KCNAB1: variants seen among roughly 807,000 people sequenced by gnomAD.
The protein encoded by KCNAB1 is voltage-gated potassium channel subunit beta-1.
KCNAB1 carries 35 observed loss-of-function variants against 64.6 expected under a neutral mutation model. That is an observed-to-expected ratio of 0.54 (90% CI 0.41 to 0.72). KCNAB1 has a LOEUF of 0.72. Among genes scored for constraint, KCNAB1 ranks in the 30% least tolerant of loss-of-function variants. The probability of loss-of-function intolerance (pLI) is 0.00; values close to 1 mark genes in which losing one functional copy is unlikely to be tolerated. For missense variants in KCNAB1, 401 were observed against 512.9 expected (o/e 0.78, Z 2.11); for synonymous variants, 177 against 183.8 (o/e 0.96, Z 0.30).
intron 12 of KCNAB1, among the ~76,000 whole-genome samples, chr3:156,531,016 G>A (rs376094015): frequency 7.9e-5 from 12 of 152,268 alleles, no homozygotes; most frequent in African/African-American, 2.4e-4. Flanking sequence ...CTTAAGCCCC[G>A]AGCCAACCCA....
At chr3:156,230,510 CAT>C (rs1459975174) in intron 1 of KCNAB1, among the ~76,000 whole-genome samples, 1 of 152,068 alleles carries the variant, frequency 6.6e-6, no homozygotes. Flanking sequence ...TGCTAAGCAA[CAT>C]ATGGCTGCAT....
chr3:156,433,170 C>T (rs1716350033), intron 2 of KCNAB1, among the ~76,000 whole-genome samples: 1 of 152,198 alleles, frequency 6.6e-6, no homozygotes. Flanking sequence ...CTCACAGAGC[C>T]TATCTAGGGA....
At chr3:156,441,974 CTTCT>C (rs1466788178) in intron 2 of KCNAB1, among the ~76,000 whole-genome samples, 117 of 152,178 alleles carry the variant, frequency 7.7e-4, no homozygotes, top group African/African-American at 2.7e-3. Flanking sequence ...ATAAATTTTG[CTTCT>C]GATTATAAAA....
At chr3:156,395,152 A>G (rs1713331205) in intron 1 of KCNAB1, among the ~76,000 whole-genome samples, 1 of 152,212 alleles carries the variant, frequency 6.6e-6, no homozygotes, top group South Asian at 2.1e-4. Context: ...CTCACCATAC[A>G]TAGTACAATT....
At chr3:156,360,718 CCTCT>C (rs1407062564) in intron 1 of KCNAB1, among the ~76,000 whole-genome samples, 1 of 151,048 alleles carries the variant, frequency 6.6e-6, no homozygotes, top group African/African-American at 2.4e-5. Context: ...TGTTTCTCTC[CCTCT>C]ATTTAAAAAA....
intron 1 of KCNAB1, among the ~76,000 whole-genome samples, chr3:156,168,737 G>T (rs990403747): frequency 1.3e-5 from 2 of 152,196 alleles, no homozygotes; most frequent in African/African-American, 4.8e-5. Context: ...AGAAAACAGC[G>T]AGATGTTTTC....
At position 156,508,478 on chromosome 3, in the gene KCNAB1, A is replaced by G. The variant is rs989496599; in HGVS notation, c.659-5886A>G. ...AGAAAATTAAAATATTGATCAACCA[A>G]AATTGTTTTCACTCAGAACAAATAG... On this transcript the variant is annotated intron_variant, in intron 8 of 13. Coordinates refer to ENST00000490337, the MANE Select transcript of KCNAB1 (RefSeq NM_172160.3). This position sits in a 1 kb window ranked among gnomAD's most constrained non-coding sequence, Gnocchi z 4.1. Among the ~76,000 whole-genome samples the G allele has an allele frequency of 2.6e-5, 4 of 152,212 alleles. No homozygotes were observed. Among genetic ancestry groups the G allele is most frequent in the Admixed American group, 2.6e-4 (4 of 15,276 alleles).
intron 1 of KCNAB1, among the ~76,000 whole-genome samples, chr3:156,135,365 A>G (rs949382633): frequency 6.6e-6 from 1 of 152,092 alleles, no homozygotes; most frequent in African/African-American, 2.4e-5. Flanking sequence ...GAGTATTCAA[A>G]TCATGCAACT....
chr3:156,534,734 A>G lies in KCNAB1; in HGVS notation c.1171-1924A>G, dbSNP rs535088087. Among the ~76,000 whole-genome samples the G allele has an allele frequency of 2.6e-5, 4 of 152,206 alleles. No homozygotes were observed. The East Asian group carries it at 7.7e-4, about 29-fold the overall frequency. On this transcript the variant is annotated intron_variant, in intron 13 of 13. Transcript: ENST00000490337. ...ATGCCCAGCCAGCCCCAGCAACATTAGCCAGACCTCCCCCAACCCACCACC... is the reference window on the plus strand; with the variant it reads ...ATGCCCAGCCAGCCCCAGCAACATTGGCCAGACCTCCCCCAACCCACCACC...
chr3:156,408,833 A>T (rs1714440630), intron 1 of KCNAB1, among the ~76,000 whole-genome samples: 2 of 152,250 alleles, frequency 1.3e-5, no homozygotes, highest in South Asian at 4.1e-4. Flanking sequence ...TATAGGCAAA[A>T]TAAAGTATGT....
intron 1 of KCNAB1, among the ~76,000 whole-genome samples, chr3:156,266,493 A>C (rs963051893): frequency 2.0e-5 from 3 of 152,200 alleles, no homozygotes; most frequent in Non-Finnish European, 2.9e-5. Context: ...ATAGATTGAG[A>C]AATGTCCTTT....
At chr3:156,344,986 G>A (rs1724387976) in intron 1 of KCNAB1, among the ~76,000 whole-genome samples, 1 of 152,076 alleles carries the variant, frequency 6.6e-6, no homozygotes, top group African/African-American at 2.4e-5. Context: ...AAATAACAAT[G>A]AGCTGCTTAA....
At chr3:156,477,300 T>C (rs1714437844) in intron 8 of KCNAB1, among the ~76,000 whole-genome samples, 1 of 152,148 alleles carries the variant, frequency 6.6e-6, no homozygotes, top group Non-Finnish European at 1.5e-5. Flanking sequence ...TATATACAAT[T>C]CCACAAAGCG....
intron 7 of KCNAB1, 179 bp from the exon 8 acceptor site, chr3:156,474,555 C>T: frequency 2.3e-6 from 1 of 439,788 alleles, no homozygotes; most frequent in Admixed American, 3.7e-5. Flanking sequence ...TGGGGGAAGT[C>T]AGCCTTTCAT....
At chr3:156,490,058 C>G (rs1254357234) in intron 8 of KCNAB1, among the ~76,000 whole-genome samples, 1 of 152,030 alleles carries the variant, frequency 6.6e-6, no homozygotes, top group Non-Finnish European at 1.5e-5. Context: ...TTGACAGGCT[C>G]TAAGCTGAGA....
At chr3:156,231,318 G>A (rs1026787790) in intron 1 of KCNAB1, among the ~76,000 whole-genome samples, 5 of 152,102 alleles carry the variant, frequency 3.3e-5, no homozygotes, top group Non-Finnish European at 7.4e-5. Flanking sequence ...ATTTGACTCT[G>A]TATATCATGA....
intron 2 of KCNAB1, among the ~76,000 whole-genome samples, chr3:156,450,055 G>T (rs1306096975): frequency 6.6e-6 from 1 of 152,220 alleles, no homozygotes; most frequent in Non-Finnish European, 1.5e-5. Flanking sequence ...CAGAGACATA[G>T]AAGAATAGCC....
chr3:156,413,938 C>T lies in KCNAB1; in HGVS notation c.276-7678C>T, dbSNP rs1021542734. Among the ~76,000 whole-genome samples, 4 of 152,174 alleles carry T rather than the reference C, an allele frequency of 2.6e-5. No homozygotes were observed. In the East Asian group the frequency reaches 7.7e-4, roughly 29 times the overall value. On this transcript the variant is annotated intron_variant, in intron 1 of 13. Transcript: ENST00000490337. ...CTGACTGCAGATGTAAAAGACATGG[C>T]ACATAGAGAAACAGGCATTAATTTT...
chr3:156,286,952 A>G (rs1401096123), intron 1 of KCNAB1, among the ~76,000 whole-genome samples: 1 of 152,172 alleles, frequency 6.6e-6, no homozygotes, highest in Non-Finnish European at 1.5e-5. Flanking sequence ...GGGGTTGATA[A>G]TGATAACACC....
Sources: gnomAD v4.1 joint callset for allele counts (sites outside exome capture counted in the v4.1 genomes callset) on GRCh38, gnomAD v4.1.1 for gene constraint, Gnocchi (gnomAD v3.1) non-coding constraint, MANE v1.5 for transcripts, NCBI Gene and HGNC (gene_info 2026-07-23, HGNC 2026-07-21) for gene names.